The following WIPF3 variants were observed in gnomAD, a reference collection of about 807,000 sequenced individuals.
WIPF3 encodes the protein WAS/WASL-interacting protein family member 3.
WIPF3 carries 33 observed loss-of-function variants against 38.9 expected under a neutral mutation model. The ratio of observed to expected loss-of-function variants is 0.85; its 90% confidence interval spans 0.64 to 1.14. The LOEUF is 1.14. Ranked by LOEUF, WIPF3 falls within the 50% of genes most tolerant of loss-of-function variation. The probability of loss-of-function intolerance (pLI) is 0.00; values close to 1 mark genes in which losing one functional copy is unlikely to be tolerated. For synonymous variants in WIPF3, 324 were observed against 269.3 expected (o/e 1.20, Z -1.99); for missense variants, 711 against 652.5 (o/e 1.09, Z -0.98).
chr7:29,896,326 A>C (rs1306204317), intron 7 of WIPF3, among the ~76,000 whole-genome samples: 1 of 150,242 alleles, frequency 6.7e-6, no homozygotes, highest in African/African-American at 2.4e-5. Flanking sequence ...TCTCTGAAAA[A>C]ATTTTAGGCT....
intron 8 of WIPF3, 137 bp downstream of exon 8, chr7:29,904,499 T>C (rs922331241): frequency 3.6e-6 from 3 of 831,358 alleles, no homozygotes; most frequent in African/African-American, 3.4e-5. Context: ...AGCCATTTGG[T>C]GGACCTTTTT....
intron 8 of WIPF3, among the ~76,000 whole-genome samples, chr7:29,909,972 A>G (rs1261113284): frequency 6.6e-6 from 1 of 152,058 alleles, no homozygotes; most frequent in Non-Finnish European, 1.5e-5. Context: ...GGGGATGGTT[A>G]ATTGGTATAA....
intron 7 of WIPF3, among the ~76,000 whole-genome samples, chr7:29,903,919 T>A (rs1786338591): frequency 6.6e-6 from 1 of 152,212 alleles, no homozygotes. Context: ...TGGTTCCTCA[T>A]GGATGGGAGG....
intron 1 of WIPF3, among the ~76,000 whole-genome samples, chr7:29,818,046 AAC>A (rs1361323308): frequency 6.6e-6 from 1 of 152,172 alleles, no homozygotes; most frequent in Non-Finnish European, 1.5e-5. Flanking sequence ...TGCTATTGTG[AAC>A]ACAATTATTT....
At position 29,844,172 on chromosome 7, in the gene WIPF3, G is replaced by A. The variant is rs547558055; in HGVS notation, c.90+9358G>A. On this transcript the variant is annotated intron_variant, in intron 2 of 8. Transcript: ENST00000242140. The surrounding 1 kb of genome is among the most constrained non-coding windows in gnomAD (Gnocchi z 4.8). ...TAAAGGCTGTAAGGACATGGAAAACGTGTCATCACTGGGTATCTGGGGTGG... is the reference window on the plus strand; with the variant it reads ...TAAAGGCTGTAAGGACATGGAAAACATGTCATCACTGGGTATCTGGGGTGG... 3.3e-5 allele frequency among the ~76,000 whole-genome samples: 5 copies of A among 152,312 alleles called. No homozygotes were observed. The South Asian group carries it at 1.0e-3, about 32-fold the overall frequency.
chr7:29,897,770 C>A (rs1279842463), intron 7 of WIPF3, among the ~76,000 whole-genome samples: 1 of 152,174 alleles, frequency 6.6e-6, no homozygotes, highest in South Asian at 2.1e-4. Context: ...TTGCGGAAGG[C>A]AGCTGGGGAG....
chr7:29,877,875 A>G (rs1424540289), intron 3 of WIPF3, among the ~76,000 whole-genome samples: 1 of 152,250 alleles, frequency 6.6e-6, no homozygotes, highest in Non-Finnish European at 1.5e-5. Flanking sequence ...TTTTAAAAAA[A>G]TCTGAAATAC....
intron 2 of WIPF3, among the ~76,000 whole-genome samples, chr7:29,868,361 G>A (rs1340184061): frequency 6.6e-6 from 1 of 152,104 alleles, no homozygotes; most frequent in African/African-American, 2.4e-5. Context: ...TGAATTCCTT[G>A]ATTCGGTAGA....
chr7:29,853,403 T>G (rs1296393807), intron 2 of WIPF3, among the ~76,000 whole-genome samples: 4 of 152,200 alleles, frequency 2.6e-5, no homozygotes, highest in African/African-American at 9.7e-5. Context: ...AGGGACAGGT[T>G]CATAGGGGAA....
At chr7:29,856,050 T>A (rs1284453246) in intron 2 of WIPF3, among the ~76,000 whole-genome samples, 1 of 152,242 alleles carries the variant, frequency 6.6e-6, no homozygotes, top group Non-Finnish European at 1.5e-5. Flanking sequence ...TGTATATATG[T>A]AGATAGGACT....
Position 29,884,317 on chromosome 7 carries a change from C to T in WIPF3, c.823C>T (p.Leu275Phe). 1 of 1,262,442 alleles carries T rather than the reference C, an allele frequency of 7.9e-7. No homozygotes were observed. Among genetic ancestry groups the T allele is most frequent in the Non-Finnish European group, 1.0e-6 (1 of 977,474 alleles). 78.2% of individuals were successfully genotyped at this position (1,262,442 alleles called of 1,614,324 possible). ...PLLPPCGYPGLKAEPASPAQD... is the reference protein window; with the variant it reads ...PLLPPCGYPGFKAEPASPAQD... ...GCTCCCACCTTGTGGGTATCCGGGG[C>T]TCAAAGCGGAGCCCGCCAGCCCTGC... is the stretch of plus-strand genomic sequence containing the variant. Residue 275 changes from leucine to phenylalanine, a missense_variant, in exon 5 of 9, where the codon CTC becomes TTC. Transcript: ENST00000242140.
rs781301084 is a variant in WIPF3, at chr7:29,883,887, C to G, written c.393C>G (p.Pro131=). ...KTGQGPGSRA[P]SPRLPNKTIS... ...GGCAGGGCCCTGGCTCCCGCGCGCC[C>G]TCTCCCAGGCTTCCCAACAAAACCA... The change falls in exon 5 of 9, where the codon CCC becomes CCG. Residue 131 remains proline, a synonymous_variant. Transcript: ENST00000242140. 11 of 1,573,904 alleles carry G rather than the reference C, an allele frequency of 7.0e-6. No individual in the cohort carries two copies. The highest frequency in any genetic ancestry group is 5.9e-5 in the South Asian group (5 of 85,090).
Position 29,914,484 on chromosome 7 carries a change from T to C in WIPF3, c.1429-9T>C. The C allele has an allele frequency of 6.6e-7, 1 of 1,518,720 alleles. No individual in the cohort carries two copies. Among genetic ancestry groups the C allele is most frequent in the Non-Finnish European group, 8.8e-7 (1 of 1,131,492 alleles). 94.1% of individuals were successfully genotyped at this position (1,518,720 alleles called of 1,614,324 possible). On this transcript the variant is annotated splice_polypyrimidine_tract_variant and intron_variant, in intron 8 of 8. Transcript: ENST00000242140. The stretch of plus-strand genomic sequence containing the variant: ...CTCCACCTGGTAATGTTCTGTTATG[T>C]TTCCACAGTTATCTCTAAAGACTCT...
intron 1 of WIPF3, among the ~76,000 whole-genome samples, chr7:29,832,086 A>G (rs975916981): frequency 6.6e-6 from 1 of 152,174 alleles, no homozygotes; most frequent in East Asian, 1.9e-4. Context: ...CAGGGGAAGC[A>G]TTTCTGTCTC....
chr7:29,821,862 C>T (rs1341752056), intron 1 of WIPF3, among the ~76,000 whole-genome samples: 1 of 152,116 alleles, frequency 6.6e-6, no homozygotes, highest in African/African-American at 2.4e-5. Context: ...CTTTGGGCTT[C>T]TTCTAGTGTG....
At chr7:29,867,340 T>G (rs1030431939) in intron 2 of WIPF3, among the ~76,000 whole-genome samples, 6 of 152,206 alleles carry the variant, frequency 3.9e-5, no homozygotes, top group African/African-American at 1.4e-4. Context: ...TAACAGAGAC[T>G]GAGGGCCAGC....
At position 29,914,542 on chromosome 7, in the gene WIPF3, G is replaced by T; in HGVS notation, c.*26G>T. 1 of 1,500,968 alleles carries T rather than the reference G, an allele frequency of 6.7e-7. No individual in the cohort carries two copies. The highest frequency in any genetic ancestry group is 1.3e-5 in the South Asian group (1 of 74,204). 93.0% of individuals were successfully genotyped at this position (1,500,968 alleles called of 1,614,324 possible). ...GAAGACAGATGAAGCGAAGGTCCTG[G>T]GGTTCCAGGTTGCAGAACAACATGT... On this transcript the variant is annotated 3_prime_UTR_variant, in exon 9 of 9. Transcript: ENST00000242140.
intron 2 of WIPF3, among the ~76,000 whole-genome samples, chr7:29,843,014 C>T (rs1038388073): frequency 2.6e-5 from 4 of 152,228 alleles, no homozygotes; most frequent in African/African-American, 9.6e-5. Flanking sequence ...GCATTTGCAT[C>T]AGGCCAAGCT....
chr7:29,897,492 T>A (rs1786175508), intron 7 of WIPF3, among the ~76,000 whole-genome samples: 1 of 152,240 alleles, frequency 6.6e-6, no homozygotes, highest in Non-Finnish European at 1.5e-5. Context: ...CTGTTTTTTA[T>A]TTTATCTTAT....
Sources: gnomAD v4.1 joint callset for allele counts (sites outside exome capture counted in the v4.1 genomes callset) on GRCh38, gnomAD v4.1.1 for gene constraint, Gnocchi (gnomAD v3.1) non-coding constraint, MANE v1.5 for transcripts, NCBI Gene and HGNC (gene_info 2026-07-23, HGNC 2026-07-21) for gene names.